Variants in ATXN7L1 observed in about 807,000 individuals in gnomAD.
The protein encoded by ATXN7L1 is ataxin 7 like 1, also known as ataxin-7-like protein 1.
In ATXN7L1, 15 loss-of-function variants were observed where a neutral mutation model predicts 70.8. The ratio of observed to expected loss-of-function variants is 0.21; its 90% CI spans 0.14 to 0.33. ATXN7L1 has a LOEUF of 0.33. Ranked by LOEUF, ATXN7L1 falls within the 10% of genes least tolerant of loss-of-function variation. ATXN7L1 has a pLI of 1.00. For synonymous variants in ATXN7L1, 440 were observed against 445.1 expected (o/e 0.99, Z 0.14); for missense variants, 975 against 1,097.1 (o/e 0.89, Z 1.57).
In ATXN7L1 at chr7:105,788,597, C is replaced by T; in HGVS notation, c.355+7G>A. On this transcript the variant is annotated splice_region_variant and intron_variant, in intron 3 of 11. Transcript: ENST00000419735. The stretch of plus-strand genomic sequence containing the variant: ...AGATGTGGCCGACGGTGCAGGGGTC[C>T]ACTTACCGCAGTGCGACTGGAAAAC... 3.7e-6 allele frequency: 6 copies of T among 1,601,556 alleles called. No homozygotes were observed. The highest frequency in any genetic ancestry group is 3.3e-4 in the Middle Eastern group (2 of 6,032).
intron 2 of ATXN7L1, among the ~76,000 whole-genome samples, chr7:105,856,089 A>G (rs1229611610): frequency 6.6e-6 from 1 of 152,204 alleles, no homozygotes; most frequent in Non-Finnish European, 1.5e-5. Flanking sequence ...TCACGTCACT[A>G]ACAATCAAGT....
chr7:105,786,368 A>G (rs1312179463), intron 3 of ATXN7L1, among the ~76,000 whole-genome samples: 2 of 152,196 alleles, frequency 1.3e-5, no homozygotes, highest in East Asian at 1.9e-4. Context: ...TAAACACCAG[A>G]GCCTCCTCCC....
chr7:105,788,991 G>T (rs1804732737), intron 2 of ATXN7L1, among the ~76,000 whole-genome samples: 1 of 152,206 alleles, frequency 6.6e-6, no homozygotes, highest in Non-Finnish European at 1.5e-5. Context: ...CACATGCTAT[G>T]GGAATCACCC....
intron 2 of ATXN7L1, among the ~76,000 whole-genome samples, chr7:105,810,013 C>T (rs1808202157): frequency 1.3e-5 from 2 of 152,208 alleles, no homozygotes; most frequent in South Asian, 2.1e-4. Flanking sequence ...CTCAAATGAT[C>T]CTCCAGCCTT....
At chr7:105,735,789 T>C (rs1446430861) in intron 3 of ATXN7L1, among the ~76,000 whole-genome samples, 3 of 152,186 alleles carry the variant, frequency 2.0e-5, no homozygotes, top group African/African-American at 4.8e-5. Flanking sequence ...GAGGACCCAG[T>C]GAGATTTCCT....
chr7:105,682,656 T>A (rs1301714561), intron 3 of ATXN7L1, among the ~76,000 whole-genome samples: 1 of 152,012 alleles, frequency 6.6e-6, no homozygotes, highest in African/African-American at 2.4e-5. Flanking sequence ...AAAAACATGA[T>A]GGTAAATGAA....
intron 2 of ATXN7L1, among the ~76,000 whole-genome samples, chr7:105,865,560 C>T (rs2116665453): frequency 6.6e-6 from 1 of 152,188 alleles, no homozygotes; most frequent in East Asian, 1.9e-4. Context: ...TGCCACCATA[C>T]CCAGCTAATT....
intron 10 of ATXN7L1, among the ~76,000 whole-genome samples, chr7:105,611,786 T>A (rs1793176123): frequency 1.3e-5 from 2 of 152,262 alleles, no homozygotes. Context: ...CAAAGGTTTA[T>A]CTTGGATTTC....
chr7:105,704,702 CTGGGTTCAAG>C (rs1441655231), intron 3 of ATXN7L1, among the ~76,000 whole-genome samples: 9 of 149,776 alleles, frequency 6.0e-5, no homozygotes, highest in African/African-American at 2.2e-4. Flanking sequence ...CTCCCGCCTC[CTGGGTTCAAG>C]TGATTCTTGT....
At chr7:105,737,818 G>A (rs891721663) in intron 3 of ATXN7L1, among the ~76,000 whole-genome samples, 2 of 152,224 alleles carry the variant, frequency 1.3e-5, no homozygotes, top group African/African-American at 4.8e-5. Flanking sequence ...TAAGCGGGGA[G>A]TATGAACTTT....
At position 105,715,769 on chromosome 7, in the gene ATXN7L1, C is replaced by T. The variant is rs1333485105; in HGVS notation, c.356-50481G>A. ...TTAAAAGTGTATCCCCACTGCAAACCCCAGAGGTGGAGAAATGACAGTGGT... is the reference window on the plus strand; with the variant it reads ...TTAAAAGTGTATCCCCACTGCAAACTCCAGAGGTGGAGAAATGACAGTGGT... On this transcript the variant is annotated intron_variant, in intron 3 of 11. Transcript: ENST00000419735. 3.3e-5 allele frequency among the ~76,000 whole-genome samples: 5 copies of T among 152,178 alleles called. No individual in the cohort carries two copies. The East Asian group carries it at 9.6e-4, about 29-fold the overall frequency.
intron 4 of ATXN7L1, among the ~76,000 whole-genome samples, chr7:105,650,628 T>A (rs1799690311): frequency 6.6e-6 from 1 of 151,974 alleles, no homozygotes. Flanking sequence ...CAGCCTAGAG[T>A]GATACCATGC....
At chr7:105,780,717 A>G (rs1803403592) in intron 3 of ATXN7L1, among the ~76,000 whole-genome samples, 1 of 152,206 alleles carries the variant, frequency 6.6e-6, no homozygotes, top group Non-Finnish European at 1.5e-5. Flanking sequence ...CCTTTAAAAA[A>G]AAATTATTTT....
intron 2 of ATXN7L1, among the ~76,000 whole-genome samples, chr7:105,837,212 C>G (rs1812516846): frequency 6.6e-6 from 1 of 152,078 alleles, no homozygotes; most frequent in Non-Finnish European, 1.5e-5. Context: ...TACCTCCCAC[C>G]AGGCCCCACC....
intron 3 of ATXN7L1, among the ~76,000 whole-genome samples, chr7:105,740,787 T>TTTTTTTTTTTTTTTTTTTTTGCGAC (rs1797930812): frequency 1.3e-5 from 1 of 79,280 alleles, no homozygotes; most frequent in Non-Finnish European, 2.4e-5. Flanking sequence ...TTTTTTTTAA[T>TTTTTTTTTTTTTTTTTTTTTGCGAC]GGAGTCTCAC....
At chr7:105,610,502 G>GGGGGC in intron 11 of ATXN7L1, 27 bp downstream of exon 11, 1 of 1,525,650 alleles carries the variant, frequency 6.6e-7, no homozygotes, top group Non-Finnish European at 8.9e-7. Context: ...ATGAATTTTT[G>GGGGGC]CCCCACCCCC....
chr7:105,677,675 T>C (rs767808414), intron 3 of ATXN7L1, among the ~76,000 whole-genome samples: 30 of 152,316 alleles, frequency 2.0e-4, no homozygotes, highest in Non-Finnish European at 3.5e-4. Context: ...TACATGATAA[T>C]GTCCATTAAA....
chr7:105,613,414 T>G, intron 10 of ATXN7L1: 1 of 929,592 alleles, frequency 1.1e-6, no homozygotes, highest in Non-Finnish European at 1.3e-6. Flanking sequence ...GGGTCAGCAT[T>G]TAACCTGCCT....
At chr7:105,761,256 A>G (rs1463789510) in intron 3 of ATXN7L1, 5 of 1,531,066 alleles carry the variant, frequency 3.3e-6, no homozygotes. Context: ...TTTGCAGTGA[A>G]TGGAAGCTTG....
Sources: gnomAD v4.1 joint callset for allele counts (sites outside exome capture counted in the v4.1 genomes callset) on GRCh38, gnomAD v4.1.1 for gene constraint, MANE v1.5 for transcripts, NCBI Gene and HGNC (gene_info 2026-07-23, HGNC 2026-07-21) for gene names.